The following EPHA3 variants were observed in gnomAD, a reference collection of about 807,000 sequenced individuals.
EPHA3 encodes the protein EPH receptor A3.
A neutral mutation model predicts 107.1 loss-of-function variants in EPHA3; 42 were observed. The ratio of observed to expected loss-of-function variants is 0.39; its 90% CI spans 0.31 to 0.51. The LOEUF (loss-of-function observed/expected upper bound fraction) is 0.51. EPHA3 is among the 20% of genes least tolerant of loss of function. EPHA3 has a pLI of 0.78. For missense variants in EPHA3, 1,183 were observed against 1,211.2 expected (o/e 0.98, Z 0.35); for synonymous variants, 461 against 424.8 (o/e 1.09, Z -1.05).
intron 2 of EPHA3, among the ~76,000 whole-genome samples, chr3:89,166,619 T>C (rs1426133476): frequency 6.6e-6 from 1 of 152,178 alleles, no homozygotes; most frequent in Non-Finnish European, 1.5e-5. Context: ...ATTTCTCCCT[T>C]TCTCTCCCAA....
At chr3:89,471,444 C>T (rs1008475835) in intron 15 of EPHA3, among the ~76,000 whole-genome samples, 2 of 152,170 alleles carry the variant, frequency 1.3e-5, no homozygotes, top group Admixed American at 6.5e-5. Context: ...ACTCGGCTCA[C>T]CGCAACCTTC....
chr3:89,381,783 A>G (rs1384810922), intron 5 of EPHA3, among the ~76,000 whole-genome samples: 1 of 152,198 alleles, frequency 6.6e-6, no homozygotes, highest in African/African-American at 2.4e-5. Flanking sequence ...CCATAGAGCT[A>G]CCTTGTCCTT....
chr3:89,413,156 T>G lies in EPHA3; in HGVS notation c.1778T>G (p.Leu593Arg), dbSNP rs776171101. 1 of 1,611,442 alleles carries G rather than the reference T, an allele frequency of 6.2e-7. No individual in the cohort carries two copies. Among genetic ancestry groups the G allele is most frequent in the Admixed American group, 1.7e-5 (1 of 59,846 alleles). ...FGNGHLKLPG[L>R]RTYVDPHTYE... is the part of the protein sequence containing the mutation. ...CCTCAAACAGTAAAACTTCCAGGTCTCAGGACTTATGTTGACCCACATACA... is the reference window on the plus strand; with the variant it reads ...CCTCAAACAGTAAAACTTCCAGGTCGCAGGACTTATGTTGACCCACATACA... The change falls in exon 10 of 17, where the codon CTC becomes CGC. Residue 593 changes from leucine to arginine, a missense_variant. Leu to Arg is a moderately radical substitution (Grantham distance 102, BLOSUM62 -2). Transcript: ENST00000336596.
intron 3 of EPHA3, among the ~76,000 whole-genome samples, chr3:89,278,848 G>A (rs1448166888): frequency 1.3e-5 from 2 of 152,112 alleles, no homozygotes; most frequent in African/African-American, 2.4e-5. Flanking sequence ...TCCAAAAAGA[G>A]GATAGATTTC....
chr3:89,452,695 G>GATAT (rs1710018121), intron 15 of EPHA3, among the ~76,000 whole-genome samples: 1 of 151,736 alleles, frequency 6.6e-6, no homozygotes, highest in Non-Finnish European at 1.5e-5. Context: ...TTTTTAATTT[G>GATAT]ATATAATCCC....
At chr3:89,279,399 T>C (rs1193992379) in intron 3 of EPHA3, among the ~76,000 whole-genome samples, 1 of 152,170 alleles carries the variant, frequency 6.6e-6, no homozygotes, top group African/African-American at 2.4e-5. Context: ...ATTATATTCA[T>C]AATAACTTAT....
intron 2 of EPHA3, among the ~76,000 whole-genome samples, chr3:89,187,085 A>C (rs569444903): frequency 3.4e-4 from 51 of 151,824 alleles, no homozygotes; most frequent in Admixed American, 8.5e-4. Context: ...TTATATGTAG[A>C]ATTTACTCTT....
chr3:89,453,233 T>TATCA (rs1710029819), intron 15 of EPHA3, among the ~76,000 whole-genome samples: 1 of 152,090 alleles, frequency 6.6e-6, no homozygotes, highest in Admixed American at 6.6e-5. Flanking sequence ...AGACTTTACC[T>TATCA]ATCATAAAAA....
intron 2 of EPHA3, among the ~76,000 whole-genome samples, chr3:89,172,033 C>CT: frequency 6.6e-6 from 1 of 152,214 alleles, no homozygotes; most frequent in East Asian, 1.9e-4. Flanking sequence ...CCAACCGCCC[C>CT]TTCTTCTCTA....
At chr3:89,408,823 G>A (rs1709104269) in intron 9 of EPHA3, among the ~76,000 whole-genome samples, 1 of 152,030 alleles carries the variant, frequency 6.6e-6, no homozygotes. Context: ...TAAATAGCAT[G>A]TTCTCATGGA....
chr3:89,466,697 G>A lies in EPHA3; in HGVS notation c.2691-5767G>A, dbSNP rs1290839909. ...CCTCGCCCTGCTTCGGCTCGCGCAC[G>A]GTGCGCACACACACTGGCCTGCGCC... is the stretch of plus-strand genomic sequence containing the variant. On this transcript the variant is annotated intron_variant, in intron 15 of 16. Coordinates refer to ENST00000336596, the MANE Select transcript of EPHA3 (RefSeq NM_005233.6). 1.1e-4 allele frequency among the ~76,000 whole-genome samples: 14 copies of A among 128,070 alleles called. 1 individual carries two copies. Among genetic ancestry groups the A allele is most frequent in the African/African-American group, 1.4e-4 (5 of 34,964 alleles). 84.0% of individuals were successfully genotyped at this position (128,070 alleles called of 152,430 possible).
intron 3 of EPHA3, among the ~76,000 whole-genome samples, chr3:89,247,707 T>C (rs1326748123): frequency 6.6e-6 from 1 of 152,176 alleles, no homozygotes; most frequent in East Asian, 1.9e-4. Flanking sequence ...TTTGGGTATT[T>C]TGTGGCCAAA....
chr3:89,377,364 G>A (rs577948544), intron 5 of EPHA3, among the ~76,000 whole-genome samples: 1 of 152,094 alleles, frequency 6.6e-6, no homozygotes, highest in Non-Finnish European at 1.5e-5. Flanking sequence ...ACCAACATCT[G>A]GTCTTACTGA....
chr3:89,439,329 A>G (rs1476300642), intron 13 of EPHA3, among the ~76,000 whole-genome samples: 2 of 152,148 alleles, frequency 1.3e-5, no homozygotes, highest in African/African-American at 2.4e-5. Context: ...TTGGTGATGC[A>G]TGCCTTTAGT....
intron 5 of EPHA3, among the ~76,000 whole-genome samples, chr3:89,393,157 A>T (rs931723007): frequency 3.3e-5 from 5 of 152,204 alleles, no homozygotes; most frequent in African/African-American, 1.2e-4. Flanking sequence ...ATGACTTATT[A>T]GGGGTCCAAA....
At chr3:89,331,402 A>C (rs534022781) in intron 3 of EPHA3, among the ~76,000 whole-genome samples, 1 of 152,312 alleles carries the variant, frequency 6.6e-6, no homozygotes, top group African/African-American at 2.4e-5. Flanking sequence ...TGAGACACTA[A>C]TACCATTATA....
chr3:89,366,536 T>C (rs1708187211), intron 5 of EPHA3, among the ~76,000 whole-genome samples: 1 of 150,804 alleles, frequency 6.6e-6, no homozygotes, highest in Admixed American at 6.7e-5. Context: ...AGATCTTAAA[T>C]ATAATTTGTA....
chr3:89,308,602 A>AT lies in EPHA3; in HGVS notation c.815-32299dup, dbSNP rs11304817. Among the ~76,000 whole-genome samples the AT allele has an allele frequency of 3.7e-3, 541 of 146,988 alleles. 1 individual carries two copies. Among genetic ancestry groups the AT allele is most frequent in the African/African-American group, 0.01 (405 of 39,826 alleles). On this transcript the variant is annotated intron_variant, in intron 3 of 16. Transcript: ENST00000336596. Reference sequence around the variant, plus strand: ...TTATTTATGGACTACAGCCAAGGGAATTTTTTTTTTTTTTTAGTTTTCCAA... The same window carrying AT: ...TTATTTATGGACTACAGCCAAGGGAATTTTTTTTTTTTTTTTAGTTTTCCAA...
chr3:89,358,631 A>G (rs560858178), intron 5 of EPHA3, among the ~76,000 whole-genome samples: 1 of 151,380 alleles, frequency 6.6e-6, no homozygotes, highest in East Asian at 1.9e-4. Flanking sequence ...TTCAAAAAGC[A>G]TCAACAGCTC....
Sources: allele counts gnomAD v4.1 joint callset (sites outside exome capture counted in the v4.1 genomes callset), GRCh38; gene constraint gnomAD v4.1.1; transcripts MANE v1.5; gene names NCBI Gene and HGNC (gene_info 2026-07-23, HGNC 2026-07-21).